Variants in LANCL1 observed in about 807,000 individuals in gnomAD.
LANCL1 encodes the protein LanC like glutathione S-transferase 1, also known as glutathione S-transferase LANCL1.
LANCL1 carries 50 observed loss-of-function variants against 50.6 expected under a neutral mutation model. The ratio of observed to expected loss-of-function variants is 0.99; its 90% confidence interval spans 0.79 to 1.25. The LOEUF (loss-of-function observed/expected upper bound fraction) is 1.25, where lower values mean the gene tolerates loss of function less well. Among genes scored for constraint, LANCL1 ranks in the 50% most tolerant of loss-of-function variants. The pLI is 0.00. For synonymous variants in LANCL1, 188 were observed against 178.6 expected (o/e 1.05, Z -0.42); for missense variants, 532 against 480.7 (o/e 1.11, Z -1.00).
At chr2:210,465,517 T>C (rs760051869) in intron 3 of LANCL1, among the ~76,000 whole-genome samples, 48 of 152,344 alleles carry the variant, frequency 3.2e-4, no homozygotes, top group South Asian at 1.0e-3. Flanking sequence ...AAGCCATCAC[T>C]GCAGTTACAG....
At chr2:210,472,784 A>C (rs1202292003) in intron 2 of LANCL1, among the ~76,000 whole-genome samples, 1 of 152,212 alleles carries the variant, frequency 6.6e-6, no homozygotes, top group African/African-American at 2.4e-5. Context: ...CTGCCACGCC[A>C]ATTTCAAAAG....
In LANCL1 at chr2:210,432,194, GC is replaced by G. The variant is rs1692767646; in HGVS notation, c.*2292del. On this transcript the variant is annotated 3_prime_UTR_variant, in exon 10 of 10. Transcript: ENST00000450366. Reference sequence around the variant, plus strand: ...GGATTGTCTCAGCGTTGTAGGCTTTGCCTGAATTTAAAATCCCATCAAAACT... The same window carrying G: ...GGATTGTCTCAGCGTTGTAGGCTTTGCTGAATTTAAAATCCCATCAAAACT... The G allele has an allele frequency of 6.6e-6, 1 of 152,154 alleles. No homozygotes were observed. The highest frequency in any genetic ancestry group is 1.5e-5 in the Non-Finnish European group (1 of 68,018). 9.4% of individuals were successfully genotyped at this position (152,154 alleles called of 1,614,324 possible). A position where few individuals can be genotyped will look rare whatever the true frequency, so the allele number is the denominator to read the frequency against.
At chr2:210,436,111 G>T (rs113429407) in intron 8 of LANCL1, 105 bp downstream of exon 8, 4 of 951,092 alleles carry the variant, frequency 4.2e-6, no homozygotes, top group Non-Finnish European at 4.7e-6. Flanking sequence ...GGCTGGTCTC[G>T]AACTCCTGAC....
Position 210,437,770 on chromosome 2 carries a change from T to C in LANCL1, c.793A>G (p.Ile265Val), listed in dbSNP as rs1382751396. ...ACAAGCAGATCTCGATTATCACCTA[T>C]ACATGGAGGGTAATTGCCAGAAGGG... Reference protein sequence around the residue: ...KFPSGNYPPCIGDNRDLLVHW... With the variant: ...KFPSGNYPPCVGDNRDLLVHW... The change falls in exon 7 of 10, where the codon ATA becomes GTA. Residue 265 changes from isoleucine (I) to valine (V), a missense_variant. Coordinates refer to ENST00000450366, the MANE Select transcript of LANCL1 (RefSeq NM_006055.3). 4.3e-6 allele frequency: 7 copies of C among 1,613,342 alleles called. No individual in the cohort carries two copies. The East Asian group carries it at 1.1e-4, about 26-fold the overall frequency.
At chr2:210,461,110 T>C (rs1246327954) in intron 3 of LANCL1, among the ~76,000 whole-genome samples, 1 of 152,126 alleles carries the variant, frequency 6.6e-6, no homozygotes, top group East Asian at 1.9e-4. Flanking sequence ...TCAGATTGTT[T>C]AGATATGTCT....
Position 210,472,084 on chromosome 2 carries a change from T to G in LANCL1, c.82-8A>C, listed in dbSNP as rs750450589. On this transcript the variant is annotated splice_polypyrimidine_tract_variant and splice_region_variant and intron_variant, in intron 2 of 9. Transcript: ENST00000450366. ...TGAGAACTCAGGAGTCAGCTAGATA[T>G]TAAAGGAAAACAAGTATCAAAATAA... 1.8e-5 allele frequency: 28 copies of G among 1,591,318 alleles called. No individual in the cohort carries two copies. Among genetic ancestry groups the G allele is most frequent in the Non-Finnish European group, 2.2e-5 (26 of 1,159,770 alleles).
At chr2:210,450,194 C>T (rs957606106) in intron 4 of LANCL1, among the ~76,000 whole-genome samples, 4 of 151,942 alleles carry the variant, frequency 2.6e-5, no homozygotes, top group African/African-American at 7.2e-5. Flanking sequence ...ACACCACACA[C>T]GTACAGCCAT....
chr2:210,477,564 G>C (rs1694424399), upstream of LANCL1: 1 of 1,394,608 alleles, frequency 7.2e-7, no homozygotes, highest in Non-Finnish European at 9.3e-7. Flanking sequence ...CCTAGCTCCA[G>C]ACCTCCAACT....
intron 3 of LANCL1, among the ~76,000 whole-genome samples, chr2:210,456,580 GA>G (rs779944897): frequency 0.013 from 1,784 of 137,968 alleles, 24 homozygotes; most frequent in African/African-American, 0.036. Flanking sequence ...GTGTAGGTAA[GA>G]AAAAAAAAAA....
intron 7 of LANCL1, among the ~76,000 whole-genome samples, 181 bp from the exon 8 acceptor site, chr2:210,436,573 T>TA (rs1370066564): frequency 2.0e-5 from 3 of 152,028 alleles, no homozygotes; most frequent in South Asian, 2.1e-4. Flanking sequence ...AGTTTGGCTT[T>TA]AAAAAAAACT....
At chr2:210,473,747 C>T (rs1313248922) in intron 2 of LANCL1, among the ~76,000 whole-genome samples, 1 of 152,198 alleles carries the variant, frequency 6.6e-6, no homozygotes, top group Non-Finnish European at 1.5e-5. Context: ...ATTATTTAAT[C>T]TAAAGCACCA....
At chr2:210,434,741 A>C (rs1007829258) in intron 9 of LANCL1, among the ~76,000 whole-genome samples, 178 bp from the exon 10 acceptor site, 5 of 152,146 alleles carry the variant, frequency 3.3e-5, no homozygotes, top group Non-Finnish European at 1.5e-5. Flanking sequence ...GGTCTGGATC[A>C]AGGCCGCACT....
At chr2:210,476,175 A>G in intron 2 of LANCL1, 141 bp downstream of exon 2, 1 of 569,880 alleles carries the variant, frequency 1.8e-6, no homozygotes, top group East Asian at 2.9e-5. Flanking sequence ...ATTAACATGT[A>G]TTTTTAAATA....
chr2:210,466,075 A>G (rs1418326080), intron 3 of LANCL1, among the ~76,000 whole-genome samples: 2 of 152,226 alleles, frequency 1.3e-5, no homozygotes, highest in Non-Finnish European at 2.9e-5. Flanking sequence ...AGCTTGGACA[A>G]CAAGAACCTT....
intron 6 of LANCL1, among the ~76,000 whole-genome samples, chr2:210,440,305 C>T (rs1177537459): frequency 2.6e-5 from 4 of 152,170 alleles, no homozygotes; most frequent in Non-Finnish European, 5.9e-5. Flanking sequence ...GCACTTCATA[C>T]AGAATTATAA....
chr2:210,456,905 C>T lies in LANCL1; in HGVS notation c.200-1591G>A, dbSNP rs910352808. Among the ~76,000 whole-genome samples the T allele has an allele frequency of 5.3e-5, 8 of 152,192 alleles. 1 individual carries two copies. In the South Asian group the frequency reaches 6.2e-4, roughly 12 times the overall value. Reference sequence around the variant, plus strand: ...GGCTTAACTATTTAACAAACAAAACCTATTAAGGCTTGCAATTGTAAGATT... The same window carrying T: ...GGCTTAACTATTTAACAAACAAAACTTATTAAGGCTTGCAATTGTAAGATT... On this transcript the variant is annotated intron_variant, in intron 3 of 9. Coordinates refer to ENST00000450366, the MANE Select transcript of LANCL1 (RefSeq NM_006055.3).
intron 3 of LANCL1, 135 bp downstream of exon 3, chr2:210,471,824 C>A: frequency 7.9e-6 from 6 of 759,720 alleles, no homozygotes; most frequent in Non-Finnish European, 1.4e-5. Flanking sequence ...GGGCACAGCA[C>A]TCTCCCAGAA....
intron 3 of LANCL1, among the ~76,000 whole-genome samples, chr2:210,456,289 A>C (rs748917829): frequency 6.6e-6 from 1 of 152,176 alleles, no homozygotes; most frequent in Non-Finnish European, 1.5e-5. Context: ...GCCAATCTTC[A>C]CGGATTTCAA....
At chr2:210,451,485 G>A (rs1435042974) in intron 4 of LANCL1, among the ~76,000 whole-genome samples, 1 of 152,038 alleles carries the variant, frequency 6.6e-6, no homozygotes, top group Admixed American at 6.6e-5. Flanking sequence ...CAACAAAAAA[G>A]TAGAAGCATA....
Sources: gnomAD v4.1 joint callset for allele counts (sites outside exome capture counted in the v4.1 genomes callset) on GRCh38, gnomAD v4.1.1 for gene constraint, MANE v1.5 for transcripts, NCBI Gene and HGNC (gene_info 2026-07-23, HGNC 2026-07-21) for gene names.